RRP12: variants seen among roughly 807,000 people sequenced by gnomAD.
RRP12 encodes the protein RRP12-like protein.
A neutral mutation model predicts 157.3 loss-of-function variants in RRP12; 78 were observed. The ratio of observed to expected loss-of-function variants is 0.50; its 90% CI spans 0.41 to 0.60. RRP12 has a LOEUF of 0.60. Ranked by LOEUF, RRP12 falls within the 20% of genes least tolerant of loss-of-function variation. The pLI is 0.00. For synonymous variants in RRP12, 726 were observed against 670.9 expected, an observed-to-expected ratio of 1.08 and a Z score of -1.27; for missense variants, 1,521 against 1,679.9, an observed-to-expected ratio of 0.91 and a Z score of 1.65.
intron 30 of RRP12, among the ~76,000 whole-genome samples, chr10:97,361,716 G>A (rs1843845892): frequency 6.6e-6 from 1 of 152,190 alleles, no homozygotes; most frequent in African/African-American, 2.4e-5. Flanking sequence ...GCTGGCTCTT[G>A]GTTCAGCTGG....
In RRP12 at chr10:97,401,114, G is replaced by T; in HGVS notation, c.118C>A (p.Arg40Ser). 6.2e-7 allele frequency: 1 copy of T among 1,613,472 alleles called. No individual in the cohort carries two copies. The highest frequency in any genetic ancestry group is 8.5e-7 in the Non-Finnish European group (1 of 1,179,808). ...CTACCTGACGGCCGGCTGAAGAAGC[G>T]GCTGCGGGCGGCCTGACGGTGGCGG... ...ICRHRQAARS[R>S]FFSRPSGRSD... The change falls in exon 1 of 34, where the codon CGC (arginine) becomes AGC (serine). Residue 40 changes from arginine to serine, a missense_variant. Physicochemically the swap from Arg to Ser is moderately radical, Grantham distance 110. Coordinates refer to ENST00000370992, the MANE Select transcript of RRP12 (RefSeq NM_015179.4).
At chr10:97,392,695 A>AC (rs544919059) in intron 4 of RRP12, among the ~76,000 whole-genome samples, 49 of 144,400 alleles carry the variant, frequency 3.4e-4, no homozygotes, top group African/African-American at 1.2e-3. Context: ...TTTTCTTTCT[A>AC]TTTTTTTTTT....
In RRP12 at chr10:97,396,262, A is replaced by G. The variant is rs1319501058; in HGVS notation, c.409T>C (p.Ser137Pro). The G allele has an allele frequency of 6.2e-7, 1 of 1,613,926 alleles. No individual in the cohort carries two copies. The highest frequency in any genetic ancestry group is 1.7e-5 in the Admixed American group (1 of 60,000). Residue 137 changes from serine to proline, a missense_variant, in exon 3 of 34, where the codon TCC becomes CCC. Transcript: ENST00000370992. ...GTCTCCGTCTCCTTCCCTCCCTGGG[A>G]GCGAATCACCTCAGTGACAGCAGCC... ...VLAAVTEVIR[S>P]QGGKETETEY...
At chr10:97,397,682 G>A (rs1845005970) in intron 2 of RRP12, among the ~76,000 whole-genome samples, 1 of 151,568 alleles carries the variant, frequency 6.6e-6, no homozygotes, top group African/African-American at 2.4e-5. Flanking sequence ...TAATCAAGCA[G>A]GGCACAATGG....
chr10:97,373,786 C>A, intron 16 of RRP12, 44 bp downstream of exon 16: 1 of 1,612,910 alleles, frequency 6.2e-7, no homozygotes, highest in Non-Finnish European at 8.5e-7. Flanking sequence ...GCCACCTGTG[C>A]CCCTGTGTGC....
At position 97,366,595 on chromosome 10, in the gene RRP12, T is replaced by C. The variant is rs1296468658; in HGVS notation, c.3242A>G (p.Glu1081Gly). Residue 1081 changes from glutamate (E) to glycine (G), a missense_variant, in exon 28 of 34, where the codon GAG becomes GGG. Glu to Gly is a moderately conservative substitution (Grantham distance 98). Coordinates refer to ENST00000370992, the MANE Select transcript of RRP12 (RefSeq NM_015179.4). ...CTCCTCCTCATTGTCCTCCTCGTCC[T>C]CTGAGTCAGCTAAAATCTCCTCAAT... The part of the protein sequence containing the change: ...DSIEEILADS[E>G]DEEDNEEEER... The C allele has an allele frequency of 3.7e-6, 6 of 1,613,662 alleles. No homozygotes were observed. The highest frequency in any genetic ancestry group is 5.1e-6 in the Non-Finnish European group (6 of 1,179,800).
intron 13 of RRP12, among the ~76,000 whole-genome samples, chr10:97,380,295 C>A (rs936428351): frequency 1.3e-5 from 2 of 152,156 alleles, no homozygotes; most frequent in Admixed American, 6.5e-5. Flanking sequence ...CCCCACGAGG[C>A]CAGGAGCTGC....
At chr10:97,371,900 G>A in intron 20 of RRP12, 173 bp downstream of exon 20, 1 of 568,032 alleles carries the variant, frequency 1.8e-6, no homozygotes, top group South Asian at 2.2e-5. Flanking sequence ...TTTGGGACCT[G>A]CAAGACAGAT....
At chr10:97,375,818 A>T (rs1249337790) in intron 15 of RRP12, among the ~76,000 whole-genome samples, 1 of 152,210 alleles carries the variant, frequency 6.6e-6, no homozygotes, top group Non-Finnish European at 1.5e-5. Context: ...ACAGAAAAAA[A>T]TGCAGCCAGA....
At chr10:97,376,939 G>T (rs1844325764) in intron 15 of RRP12, among the ~76,000 whole-genome samples, 3 of 151,042 alleles carry the variant, frequency 2.0e-5, no homozygotes, top group Non-Finnish European at 3.0e-5. Context: ...GAGTGAAGTG[G>T]TGCGATCTTG....
intron 4 of RRP12, among the ~76,000 whole-genome samples, chr10:97,392,234 G>A (rs959992369): frequency 6.6e-6 from 1 of 151,534 alleles, no homozygotes; most frequent in Non-Finnish European, 1.5e-5. Context: ...GCCTCCCAAA[G>A]TGCTGGGATT....
At chr10:97,400,661 G>A in intron 1 of RRP12, 127 bp from the exon 2 acceptor site, 1 of 728,008 alleles carries the variant, frequency 1.4e-6, no homozygotes, top group Non-Finnish European at 2.3e-6. Context: ...AACACAGCCA[G>A]TCTCATAAAA....
rs547629539 is a variant in RRP12 at position 97,363,479 on chromosome 10, C to T, written c.3567+375G>A. Among the ~76,000 whole-genome samples, 7 of 151,352 alleles carry T rather than the reference C, an allele frequency of 4.6e-5. No individual in the cohort carries two copies. The South Asian group carries it at 1.2e-3, about 27-fold the overall frequency. ...TACGCTCCTCTGGTCACTGGGACAA[C>T]GGAGTCCCTATCTTCGTGAGGCTAT... is the stretch of plus-strand genomic sequence containing the variant. On this transcript the variant is annotated intron_variant, in intron 30 of 33. Coordinates refer to ENST00000370992, the MANE Select transcript of RRP12 (RefSeq NM_015179.4).
chr10:97,388,555 G>A lies in RRP12; in HGVS notation c.823C>T (p.Pro275Ser), dbSNP rs766137234. 1.9e-6 allele frequency: 3 copies of A among 1,614,206 alleles called. No homozygotes were observed. The East Asian group carries it at 6.7e-5, about 36-fold the overall frequency. ...KGSEFMFEKA[P>S]AHHPAAISTA... ...GAAATGGCAGCAGGATGATGGGCAGGGGCCTTTTCAAACATGAATTCACTG... is the reference window on the plus strand; with the variant it reads ...GAAATGGCAGCAGGATGATGGGCAGAGGCCTTTTCAAACATGAATTCACTG... Residue 275 changes from proline (P) to serine (S), a missense_variant, in exon 7 of 34, where the codon CCT (proline) becomes TCT (serine). Physicochemically the swap from Pro to Ser is moderately conservative, Grantham distance 74. Coordinates refer to ENST00000370992, the MANE Select transcript of RRP12 (RefSeq NM_015179.4).
Position 97,379,349 on chromosome 10 carries a change from C to T in RRP12, c.1742G>A (p.Arg581Gln), listed in dbSNP as rs149822721. Residue 581 changes from arginine (R) to glutamine (Q), a missense_variant, in exon 15 of 34, where the codon CGA (arginine) becomes CAA (glutamine). Coordinates refer to ENST00000370992, the MANE Select transcript of RRP12 (RefSeq NM_015179.4). ...GAAGTAGGTGGTGAAAAAACCAAGT[C>T]GCGTTTCCTGAACATGGTCTCGGAT... ...PVIRDHVQET[R>Q]LGFFTTYFLP... 474 of 1,614,028 alleles carry T rather than the reference C, an allele frequency of 2.9e-4. 2 individuals carry two copies. The Middle Eastern group carries it at 4.5e-3, about 15-fold the overall frequency.
At chr10:97,381,589 C>A in intron 11 of RRP12, 106 bp from the exon 12 acceptor site, 1 of 1,222,606 alleles carries the variant, frequency 8.2e-7, no homozygotes, top group Admixed American at 2.3e-5. Flanking sequence ...TTCGAAGAAA[C>A]CTATCTCCCA....
At chr10:97,379,974 A>G (rs1383271379) in intron 13 of RRP12, among the ~76,000 whole-genome samples, 3 of 152,234 alleles carry the variant, frequency 2.0e-5, no homozygotes, top group Non-Finnish European at 4.4e-5. Flanking sequence ...ATTTAACAAC[A>G]TGTAAAAATT....
At chr10:97,390,110 G>A (rs1309971391) in intron 6 of RRP12, among the ~76,000 whole-genome samples, 2 of 152,158 alleles carry the variant, frequency 1.3e-5, no homozygotes, top group South Asian at 4.1e-4. Context: ...ATCCAACTCA[G>A]GTCTGTGTGA....
rs1194052916 is a variant in RRP12 at position 97,396,290 on chromosome 10, A to C, written c.381T>G (p.Val127=). ...NSAAHKEICA[V]LAAVTEVIRS... The stretch of plus-strand genomic sequence containing the variant: ...GAATCACCTCAGTGACAGCAGCCAG[A>C]ACAGCACAGATCTGCACAGGAGGGA... Residue 127 remains valine, a synonymous_variant, in exon 3 of 34, where the codon GTT becomes GTG. Coordinates refer to ENST00000370992, the MANE Select transcript of RRP12 (RefSeq NM_015179.4). The C allele has an allele frequency of 2.5e-6, 4 of 1,613,584 alleles. No homozygotes were observed. The highest frequency in any genetic ancestry group is 3.4e-6 in the Non-Finnish European group (4 of 1,179,710).
Sources: gnomAD v4.1 joint callset for allele counts (sites outside exome capture counted in the v4.1 genomes callset) on GRCh38, gnomAD v4.1.1 for gene constraint, MANE v1.5 for transcripts, NCBI Gene and HGNC (gene_info 2026-07-23, HGNC 2026-07-21) for gene names.